Variants in CCN6 observed in about 807,000 individuals in gnomAD.
The protein encoded by CCN6 is cellular communication network factor 6, also known as CCN family member 6.
CCN6 carries 31 observed loss-of-function variants against 37.4 expected under a neutral mutation model. The ratio of observed to expected loss-of-function variants is 0.83; its 90% confidence interval spans 0.62 to 1.12. CCN6 has a LOEUF of 1.12. Ranked by LOEUF, CCN6 falls within the 50% of genes most tolerant of loss-of-function variation. The probability of loss-of-function intolerance (pLI) is 0.00; values close to 1 mark genes in which losing one functional copy is unlikely to be tolerated. For missense variants in CCN6, 369 were observed against 413.8 expected (o/e 0.89, Z 0.94); for synonymous variants, 137 against 142.1 (o/e 0.96, Z 0.26).
chr6:112,067,826 A>G (rs1554314359), intron 3 of CCN6, among the ~76,000 whole-genome samples: 1 of 152,150 alleles, frequency 6.6e-6, no homozygotes, highest in Non-Finnish European at 1.5e-5. Context: ...CAAATTCCCT[A>G]ATTTTTATTT....
intron 1 of CCN6, among the ~76,000 whole-genome samples, chr6:112,059,683 A>C (rs1425885501): frequency 6.6e-6 from 1 of 152,224 alleles, no homozygotes; most frequent in Non-Finnish European, 1.5e-5. Flanking sequence ...TAGGACATGG[A>C]CATCTTTGAG....
At chr6:112,063,359 C>G (rs1020911948) in intron 2 of CCN6, among the ~76,000 whole-genome samples, 1 of 152,168 alleles carries the variant, frequency 6.6e-6, no homozygotes, top group Non-Finnish European at 1.5e-5. Flanking sequence ...TATCAATGAA[C>G]TTTCGACTCT....
chr6:112,067,143 C>A, intron 3 of CCN6: 2 of 723,466 alleles, frequency 2.8e-6, no homozygotes, highest in Non-Finnish European at 3.8e-6. Flanking sequence ...AGAGCACATA[C>A]TTTAAAGAGA....
At chr6:112,059,897 G>T in intron 1 of CCN6, 1 of 1,253,570 alleles carries the variant, frequency 8.0e-7, no homozygotes, top group Non-Finnish European at 1.1e-6. Context: ...TAATAAGAAA[G>T]GTGGTAAACT....
chr6:112,067,302 C>A (rs587622547), intron 3 of CCN6, among the ~76,000 whole-genome samples: 7 of 152,076 alleles, frequency 4.6e-5, no homozygotes, highest in African/African-American at 1.7e-4. Flanking sequence ...GCACATTAAC[C>A]TTAAGGAAAT....
intron 3 of CCN6, chr6:112,067,004 A>G: frequency 7.3e-7 from 1 of 1,366,322 alleles, no homozygotes; most frequent in Non-Finnish European, 9.8e-7. Flanking sequence ...TCCTGCATTG[A>G]GGTCTTTAAA....
Position 112,054,405 on chromosome 6 carries a change from G to T in CCN6, c.48G>T (p.Gln16His). 1 of 1,613,226 alleles carries T rather than the reference G, an allele frequency of 6.2e-7. No individual in the cohort carries two copies. Among genetic ancestry groups the T allele is most frequent in the Non-Finnish European group, 8.5e-7 (1 of 1,179,854 alleles). ...CTCTTCTGCTTGCTGGCCTGGCACAGGTAAGTCCTCTCCCCCGACTCTTTC... is the reference window on the plus strand; with the variant it reads ...CTCTTCTGCTTGCTGGCCTGGCACATGTAAGTCCTCTCCCCCGACTCTTTC... Reference protein sequence around the residue: ...FSTLLLAGLAQFCCRVQGTGP... With the variant: ...FSTLLLAGLAHFCCRVQGTGP... Residue 16 changes from glutamine (Q) to histidine (H), a missense_variant and splice_region_variant, in exon 1 of 5, where the codon CAG (glutamine) becomes CAT (histidine). Coordinates refer to ENST00000368666, the MANE Select transcript of CCN6 (RefSeq NM_198239.2).
At chr6:112,066,554 A>G (rs1562598178) in intron 3 of CCN6, among the ~76,000 whole-genome samples, 1 of 152,150 alleles carries the variant, frequency 6.6e-6, no homozygotes, top group East Asian at 1.9e-4. Flanking sequence ...GTTCTCTGGT[A>G]TTTATGATTT....
At chr6:112,063,921 C>T (rs972911920) in intron 2 of CCN6, among the ~76,000 whole-genome samples, 8 of 152,094 alleles carry the variant, frequency 5.3e-5, no homozygotes, top group Non-Finnish European at 1.2e-4. Context: ...TATTTTGTCA[C>T]GTAGAATATT....
At chr6:112,052,935 G>C (rs587715025), upstream of CCN6, among the ~76,000 whole-genome samples, 1 of 152,334 alleles carries the variant, frequency 6.6e-6, no homozygotes, top group East Asian at 1.9e-4. Context: ...CAGGCCCTCA[G>C]CTCAGGCCTA....
Position 112,061,208 on chromosome 6 carries a change from C to G in CCN6, c.266C>G (p.Ala89Gly). Residue 89 changes from alanine to glycine, a missense_variant, in exon 2 of 5, where the codon GCT (alanine) becomes GGT (glycine). Transcript: ENST00000368666. ...CAACCAGGGGAAATCTGCAATGAAG[C>G]TGACCTCTGTGACCCACACAAAGGG... ...AKQPGEICNE[A>G]DLCDPHKGLY... The G allele has an allele frequency of 6.2e-7, 1 of 1,614,182 alleles. No individual in the cohort carries two copies. The highest frequency in any genetic ancestry group is 1.1e-5 in the South Asian group (1 of 91,084).
At chr6:112,059,235 A>G (rs782651947) in intron 1 of CCN6, among the ~76,000 whole-genome samples, 2 of 152,224 alleles carry the variant, frequency 1.3e-5, no homozygotes, top group Non-Finnish European at 2.9e-5. Flanking sequence ...CATTTACAAA[A>G]TGGAGTATAC....
rs1554311352 is a variant in CCN6, at chr6:112,054,309, C to G, written c.-49C>G. 6.2e-7 allele frequency: 1 copy of G among 1,614,020 alleles called. No individual in the cohort carries two copies. The highest frequency in any genetic ancestry group is 1.1e-5 in the South Asian group (1 of 91,058). The stretch of plus-strand genomic sequence containing the variant: ...AGCTTTGTGTACCCGGAGCAATGAA[C>G]AAGCGGCGACTTCTCTACCCCTCAG... On this transcript the variant is annotated 5_prime_UTR_variant, in exon 1 of 5. Coordinates refer to ENST00000368666, the MANE Select transcript of CCN6 (RefSeq NM_198239.2).
intron 1 of CCN6, chr6:112,054,622 G>A (rs782070572): frequency 7.0e-6 from 4 of 567,846 alleles, no homozygotes; most frequent in Non-Finnish European, 1.3e-5. Flanking sequence ...CTCCCTTTCA[G>A]GTAATGGCAC....
At chr6:112,064,277 TC>T (rs1213246577) in intron 2 of CCN6, among the ~76,000 whole-genome samples, 2 of 152,190 alleles carry the variant, frequency 1.3e-5, no homozygotes, top group African/African-American at 4.8e-5. Context: ...ATCCAGAAAG[TC>T]AAGAATACCC....
Position 112,069,662 on chromosome 6 carries a change from A to AATAAAAAAAT in CCN6, c.*43_*52dup. The AATAAAAAAAT allele has an allele frequency of 6.2e-7, 1 of 1,609,866 alleles. No individual in the cohort carries two copies. Among genetic ancestry groups the AATAAAAAAAT allele is most frequent in the Non-Finnish European group, 8.5e-7 (1 of 1,177,434 alleles). ...GAAAAGTTAGTCAATCCTGTCATAT[A>AATAAAAAAAT]ATAAAAAAATTAGTGAGTATAAAAT... On this transcript the variant is annotated 3_prime_UTR_variant, in exon 5 of 5. Transcript: ENST00000368666.
intron 3 of CCN6, among the ~76,000 whole-genome samples, chr6:112,067,314 C>G (rs1396826484): frequency 6.6e-6 from 1 of 152,064 alleles, no homozygotes; most frequent in Non-Finnish European, 1.5e-5. Flanking sequence ...TAAGGAAATG[C>G]CTTGAGACAG....
intron 2 of CCN6, 47 bp downstream of exon 2, chr6:112,061,335 G>C: frequency 6.2e-7 from 1 of 1,613,516 alleles, no homozygotes; most frequent in Non-Finnish European, 8.5e-7. Flanking sequence ...AGTCTAGACA[G>C]AATTTTTTTT....
upstream of CCN6, among the ~76,000 whole-genome samples, chr6:112,053,584 C>T (rs587700972): frequency 7.2e-5 from 11 of 151,784 alleles, no homozygotes; most frequent in African/African-American, 1.4e-4. Context: ...ATTTTAGGCC[C>T]GGAAAAATGG....
Sources: gnomAD v4.1 joint callset for allele counts (sites outside exome capture counted in the v4.1 genomes callset) on GRCh38, gnomAD v4.1.1 for gene constraint, MANE v1.5 for transcripts, NCBI Gene and HGNC (gene_info 2026-07-23, HGNC 2026-07-21) for gene names.